Variants in SDK1 observed in about 807,000 individuals in gnomAD.
SDK1 encodes protein sidekick-1.
A neutral mutation model predicts 245.5 loss-of-function variants in SDK1; 157 were observed. The observed-to-expected ratio is 0.64, with a 90% CI of 0.56 to 0.73. The LOEUF (loss-of-function observed/expected upper bound fraction) is 0.73, where lower values mean the gene tolerates loss of function less well. Ranked by LOEUF, SDK1 falls within the 30% of genes least tolerant of loss-of-function variation. SDK1 has a pLI of 0.00. For synonymous variants in SDK1, 1,647 were observed against 1,278.5 expected (o/e 1.29, Z -6.15); for missense variants, 3,583 against 3,002.3 (o/e 1.19, Z -4.52).
intron 4 of SDK1, among the ~76,000 whole-genome samples, chr7:3,791,407 C>G (rs1562446000): frequency 6.6e-6 from 1 of 152,208 alleles, no homozygotes; most frequent in African/African-American, 2.4e-5. Flanking sequence ...TATGGACCAG[C>G]TCATCATGGT....
intron 4 of SDK1, among the ~76,000 whole-genome samples, chr7:3,764,139 G>T (rs1196884844): frequency 6.6e-6 from 1 of 152,018 alleles, no homozygotes; most frequent in South Asian, 2.1e-4. Context: ...TTCTACTTTG[G>T]CATTTTCCCT....
rs762320489 is a variant in SDK1, at chr7:4,208,135, G to C, written c.5251G>C (p.Glu1751Gln). ...GGAGGCAGACAGCCAGAACGAAACG[G>C]AGAAAATGAAGGTCCTCTTCCTCCC... The part of the protein sequence containing the change: ...YWEADSQNET[E>Q]KMKVLFLPEP... Residue 1751 changes from glutamate (E) to glutamine (Q), a missense_variant, in exon 37 of 45, where the codon GAG becomes CAG. By Grantham distance (29) the Glu-to-Gln change is conservative (BLOSUM62 2). Transcript: ENST00000404826. 3 of 1,613,858 alleles carry C rather than the reference G, an allele frequency of 1.9e-6. No individual in the cohort carries two copies. The African/African-American group carries it at 4.0e-5, about 22-fold the overall frequency.
At chr7:4,240,766 T>C (rs1786468563) in intron 42 of SDK1, among the ~76,000 whole-genome samples, 1 of 151,974 alleles carries the variant, frequency 6.6e-6, no homozygotes. Flanking sequence ...TCACTTTATG[T>C]GGTCAGGGAG....
At chr7:3,811,654 C>T (rs1176768383) in intron 4 of SDK1, among the ~76,000 whole-genome samples, 1 of 152,180 alleles carries the variant, frequency 6.6e-6, no homozygotes, top group Non-Finnish European at 1.5e-5. Context: ...TGGGAGTAGT[C>T]AGGGAGCCCC....
At position 3,329,989 on chromosome 7, in the gene SDK1, C is replaced by T. The variant is rs189619553; in HGVS notation, c.298+28105C>T. ...TGGATTTTGGTATGCATAGGAGGTC[C>T]TGGAACCAATCCGCTATGGATACCA... On this transcript the variant is annotated intron_variant, in intron 1 of 44. Transcript: ENST00000404826. 7.9e-5 allele frequency among the ~76,000 whole-genome samples: 12 copies of T among 152,298 alleles called. No homozygotes were observed. In the East Asian group the frequency reaches 2.1e-3, roughly 27 times the overall value.
chr7:3,829,371 C>G (rs533763934), intron 5 of SDK1, among the ~76,000 whole-genome samples: 5 of 152,202 alleles, frequency 3.3e-5, no homozygotes, highest in Middle Eastern at 3.4e-3. Context: ...GGAGAAGGCC[C>G]TAACATGTCT....
intron 37 of SDK1, among the ~76,000 whole-genome samples, chr7:4,208,757 A>G (rs996611682): frequency 6.6e-6 from 1 of 152,140 alleles, no homozygotes; most frequent in African/African-American, 2.4e-5. Context: ...ACCCCTGGAG[A>G]CTGCTCACTA....
chr7:3,542,940 G>A (rs1029857804), intron 1 of SDK1, among the ~76,000 whole-genome samples: 2 of 152,210 alleles, frequency 1.3e-5, no homozygotes, highest in African/African-American at 4.8e-5. Context: ...CCATACTGAA[G>A]GCTTCCTTTA....
chr7:4,117,093 A>C (rs1354626619), intron 25 of SDK1, among the ~76,000 whole-genome samples: 2 of 152,264 alleles, frequency 1.3e-5, no homozygotes, highest in Non-Finnish European at 2.9e-5. Flanking sequence ...AGTAAAAGGC[A>C]GGCCAAGAAA....
At chr7:4,249,092 T>G (rs1583173615) in intron 44 of SDK1, among the ~76,000 whole-genome samples, 2 of 146,780 alleles carry the variant, frequency 1.4e-5, no homozygotes. Context: ...GGGAGGGAGG[T>G]GAGTGTGGGG....
intron 1 of SDK1, among the ~76,000 whole-genome samples, chr7:3,452,492 C>T (rs1398437141): frequency 6.6e-6 from 1 of 152,098 alleles, no homozygotes; most frequent in Non-Finnish European, 1.5e-5. Flanking sequence ...GTCAAAAAAG[C>T]AAGAAAGTTA....
chr7:4,179,415 T>C (rs1038569277), intron 35 of SDK1, among the ~76,000 whole-genome samples: 1 of 151,624 alleles, frequency 6.6e-6, no homozygotes, highest in African/African-American at 2.4e-5. Context: ...CAGGGGCGGC[T>C]CGGACTGCGG....
At chr7:3,501,530 C>T (rs953723079) in intron 1 of SDK1, among the ~76,000 whole-genome samples, 57 of 152,188 alleles carry the variant, frequency 3.7e-4, no homozygotes, top group East Asian at 1.9e-3. Context: ...TTTCGTGCTC[C>T]TGATTATATT....
At chr7:3,339,015 A>G (rs927244809) in intron 1 of SDK1, among the ~76,000 whole-genome samples, 8 of 152,200 alleles carry the variant, frequency 5.3e-5, no homozygotes, top group African/African-American at 1.4e-4. Flanking sequence ...AAGGATAGAG[A>G]TTGGCACAGT....
intron 1 of SDK1, among the ~76,000 whole-genome samples, chr7:3,573,984 TATC>T (rs1185468795): frequency 6.6e-6 from 1 of 152,150 alleles, no homozygotes; most frequent in Non-Finnish European, 1.5e-5. Context: ...GTATTTTACA[TATC>T]ATTCTTTGTG....
intron 1 of SDK1, among the ~76,000 whole-genome samples, chr7:3,616,405 C>G (rs959078274): frequency 6.6e-6 from 1 of 152,236 alleles, no homozygotes; most frequent in Admixed American, 6.5e-5. Flanking sequence ...GCTCATCCCA[C>G]TTCCAGTCAC....
At chr7:3,966,688 T>C (rs979860819) in intron 9 of SDK1, among the ~76,000 whole-genome samples, 1 of 152,086 alleles carries the variant, frequency 6.6e-6, no homozygotes, top group Non-Finnish European at 1.5e-5. Context: ...TAGCTTTTTT[T>C]TTTGTTTTTG....
At chr7:4,179,841 G>T (rs1260310644) in intron 35 of SDK1, among the ~76,000 whole-genome samples, 1 of 151,948 alleles carries the variant, frequency 6.6e-6, no homozygotes, top group African/African-American at 2.4e-5. Context: ...CTGGGCCCCA[G>T]TTGGCCCCCA....
At chr7:3,743,567 G>A (rs1340490528) in intron 4 of SDK1, among the ~76,000 whole-genome samples, 1 of 152,188 alleles carries the variant, frequency 6.6e-6, no homozygotes, top group African/African-American at 2.4e-5. Context: ...CAGAATGGGT[G>A]TGCCGGGATA....
Sources: allele counts gnomAD v4.1 joint callset (sites outside exome capture counted in the v4.1 genomes callset), GRCh38; gene constraint gnomAD v4.1.1; transcripts MANE v1.5; gene names NCBI Gene and HGNC (gene_info 2026-07-23, HGNC 2026-07-21).